WDPCP: variants seen among roughly 807,000 people sequenced by gnomAD.
The protein encoded by WDPCP is WD repeat-containing and planar cell polarity effector protein fritz homolog.
In WDPCP, 71 loss-of-function variants were observed where a neutral mutation model predicts 93.1. The ratio of observed to expected loss-of-function variants is 0.76; its 90% CI spans 0.63 to 0.93. WDPCP has a LOEUF of 0.93. WDPCP is among the 40% of genes least tolerant of loss of function. WDPCP has a pLI of 0.00. For synonymous variants in WDPCP, 315 were observed against 315.0 expected (o/e 1.00, Z 0.00); for missense variants, 844 against 887.4 (o/e 0.95, Z 0.62).
At chr2:63,333,085 C>T (rs1485437358) in intron 12 of WDPCP, among the ~76,000 whole-genome samples, 2 of 152,016 alleles carry the variant, frequency 1.3e-5, no homozygotes, top group East Asian at 1.9e-4. Context: ...CACAGATATC[C>T]GATTGTTTTA....
intron 3 of WDPCP, chr2:63,604,643 T>C (rs778826113): frequency 5.7e-5 from 83 of 1,448,928 alleles, no homozygotes; most frequent in South Asian, 1.6e-4. Context: ...CAGGTCCCAA[T>C]TGGAAATAAA....
At chr2:63,453,886 T>A (rs1037660211) in intron 6 of WDPCP, among the ~76,000 whole-genome samples, 1 of 141,176 alleles carries the variant, frequency 7.1e-6, no homozygotes, top group Non-Finnish European at 1.5e-5. Flanking sequence ...TAGGTGGGAA[T>A]TGAACAATGA....
At chr2:63,708,615 G>A (rs1233672289) in intron 2 of WDPCP, among the ~76,000 whole-genome samples, 1 of 152,094 alleles carries the variant, frequency 6.6e-6, no homozygotes, top group Non-Finnish European at 1.5e-5. Context: ...GTCATGCACG[G>A]TGCACTGCAC....
intron 1 of WDPCP, among the ~76,000 whole-genome samples, chr2:63,521,100 C>T (rs965559708): frequency 2.6e-5 from 4 of 152,140 alleles, no homozygotes; most frequent in African/African-American, 7.2e-5. Context: ...CCAGCCACTA[C>T]AAAACCACAT....
At chr2:63,483,414 T>C (rs1019812633) in intron 6 of WDPCP, among the ~76,000 whole-genome samples, 8 of 151,088 alleles carry the variant, frequency 5.3e-5, no homozygotes, top group Non-Finnish European at 8.8e-5. Context: ...TAAGAAGTAT[T>C]ATAATTCTCA....
intron 12 of WDPCP, among the ~76,000 whole-genome samples, chr2:63,317,185 T>G (rs1686709123): frequency 6.6e-6 from 1 of 151,794 alleles, no homozygotes; most frequent in Non-Finnish European, 1.5e-5. Flanking sequence ...AACCTTAGAT[T>G]TATATGGAAC....
Position 63,570,358 on chromosome 2 carries a change from T to C in WDPCP, c.75+17839A>G, listed in dbSNP as rs546710671. 9.2e-5 allele frequency among the ~76,000 whole-genome samples: 14 copies of C among 152,346 alleles called. 1 individual carries two copies. The South Asian group carries it at 2.7e-3, about 29-fold the overall frequency. Reference sequence around the variant, plus strand: ...TTTTTATGAACTTGATGGATGTTTATGTCCTTCCCCACCAAAGAATAGCCT... The same window carrying C: ...TTTTTATGAACTTGATGGATGTTTACGTCCTTCCCCACCAAAGAATAGCCT... On this transcript the variant is annotated intron_variant, in intron 1 of 17. Coordinates refer to ENST00000272321, the MANE Select transcript of WDPCP (RefSeq NM_015910.7).
At chr2:63,700,494 A>G (rs1669031961) in intron 2 of WDPCP, among the ~76,000 whole-genome samples, 1 of 152,088 alleles carries the variant, frequency 6.6e-6, no homozygotes, top group Non-Finnish European at 1.5e-5. Context: ...ATGGATAACG[A>G]AGACAAATGT....
intron 2 of WDPCP, among the ~76,000 whole-genome samples, chr2:63,666,722 C>A (rs1424141937): frequency 6.6e-6 from 1 of 152,134 alleles, no homozygotes; most frequent in Non-Finnish European, 1.5e-5. Context: ...TCTCTTTCTA[C>A]CCCACCATTT....
At chr2:63,451,185 A>C (rs1373429576) in intron 6 of WDPCP, among the ~76,000 whole-genome samples, 1 of 152,038 alleles carries the variant, frequency 6.6e-6, no homozygotes, top group Non-Finnish European at 1.5e-5. Flanking sequence ...GAAACTGAAG[A>C]ATTCCTTCTA....
intron 3 of WDPCP, among the ~76,000 whole-genome samples, chr2:63,615,594 C>T (rs1709663624): frequency 6.6e-6 from 1 of 152,202 alleles, no homozygotes; most frequent in Non-Finnish European, 1.5e-5. Flanking sequence ...TTGCATTTCC[C>T]TGCAGAATGG....
intron 13 of WDPCP, among the ~76,000 whole-genome samples, chr2:63,271,132 G>A (rs548376155): frequency 4.3e-4 from 66 of 152,292 alleles, no homozygotes; most frequent in Non-Finnish European, 6.5e-4. Context: ...ATGTGTACTG[G>A]GGAGGCTGCC....
chr2:63,197,231 G>A (rs1675509034), intron 14 of WDPCP, among the ~76,000 whole-genome samples: 1 of 151,826 alleles, frequency 6.6e-6, no homozygotes, highest in Admixed American at 6.6e-5. Context: ...TCATTTAATG[G>A]TAAATGTATT....
At chr2:63,190,175 C>T (rs1160458845) in intron 14 of WDPCP, among the ~76,000 whole-genome samples, 1 of 152,040 alleles carries the variant, frequency 6.6e-6, no homozygotes, top group East Asian at 1.9e-4. Context: ...CGCCCATAAT[C>T]CCAGCAGTTT....
intron 12 of WDPCP, among the ~76,000 whole-genome samples, chr2:63,316,197 A>G (rs1328666241): frequency 6.6e-6 from 1 of 152,210 alleles, no homozygotes; most frequent in Admixed American, 6.5e-5. Context: ...ATTACAGAAA[A>G]TGAAAAAGTC....
chr2:63,505,522 G>C (rs1366779534), intron 1 of WDPCP, among the ~76,000 whole-genome samples: 1 of 151,964 alleles, frequency 6.6e-6, no homozygotes, highest in African/African-American at 2.4e-5. Flanking sequence ...ACCATGTTTT[G>C]CCCTAAAGCC....
intron 12 of WDPCP, among the ~76,000 whole-genome samples, chr2:63,376,715 C>G (rs962549257): frequency 2.0e-5 from 3 of 151,814 alleles, no homozygotes; most frequent in Non-Finnish European, 4.4e-5. Context: ...GCACTTTTAC[C>G]ATGTGTTCAT....
At chr2:63,506,529 G>C (rs1251237030) in intron 1 of WDPCP, among the ~76,000 whole-genome samples, 1 of 152,040 alleles carries the variant, frequency 6.6e-6, no homozygotes, top group East Asian at 1.9e-4. Context: ...ATGGGCAAGA[G>C]ATAACTGACA....
At chr2:63,682,961 T>C (rs573566912) in intron 2 of WDPCP, among the ~76,000 whole-genome samples, 1 of 152,314 alleles carries the variant, frequency 6.6e-6, no homozygotes, top group South Asian at 2.1e-4. Flanking sequence ...AATGAAGTTA[T>C]AGTTTTTATT....
Sources: gnomAD v4.1 joint callset for allele counts (sites outside exome capture counted in the v4.1 genomes callset) on GRCh38, gnomAD v4.1.1 for gene constraint, MANE v1.5 for transcripts, NCBI Gene and HGNC (gene_info 2026-07-23, HGNC 2026-07-21) for gene names.